GPM6B: variants seen among roughly 807,000 people sequenced by gnomAD.
The protein encoded by GPM6B is neuronal membrane glycoprotein M6-b.
Under a neutral mutation model 27.2 loss-of-function variants are expected in GPM6B, and 4 were observed. That is an observed-to-expected ratio of 0.15 (90% CI 0.07 to 0.34). The LOEUF (loss-of-function observed/expected upper bound fraction) is 0.34, where lower values mean the gene tolerates loss of function less well. GPM6B is among the 10% of genes least tolerant of loss of function. GPM6B has a pLI of 1.00. For missense variants in GPM6B, 183 were observed against 261.9 expected (o/e 0.70, Z 2.08); for synonymous variants, 124 against 103.1 (o/e 1.20, Z -1.23).
At chrX:13,881,115 G>A (rs1201925787) in intron 1 of GPM6B, among the ~76,000 whole-genome samples, 1 of 112,168 alleles carries the variant, frequency 8.9e-6, no homozygotes, top group Admixed American at 9.4e-5. Context: ...TCCCTAAAAT[G>A]TAAGATGTGA....
chrX:13,870,492 G>C lies in GPM6B; in HGVS notation c.-198+67835C>G, dbSNP rs1284391804. Among the ~76,000 whole-genome samples, 3 of 111,932 alleles carry C rather than the reference G, an allele frequency of 2.7e-5. No homozygotes were observed. The East Asian group carries it at 8.5e-4, about 32-fold the overall frequency. ...CGGGATAGACAGGCAGAGAGAAATAGGGCAGTGGCCCTACTTTGAAGGAGC... is the reference window on the plus strand; with the variant it reads ...CGGGATAGACAGGCAGAGAGAAATACGGCAGTGGCCCTACTTTGAAGGAGC... On this transcript the variant is annotated intron_variant, in intron 1 of 6. Transcript: ENST00000398361.
At chrX:13,841,245 C>G (rs1197067737) in intron 1 of GPM6B, among the ~76,000 whole-genome samples, 1 of 111,938 alleles carries the variant, frequency 8.9e-6, no homozygotes, top group East Asian at 2.8e-4. Flanking sequence ...TCCCACTCCC[C>G]AGCAGATGCC....
At chrX:13,841,985 G>T (rs1246315131) in intron 1 of GPM6B, among the ~76,000 whole-genome samples, 5 of 111,877 alleles carry the variant, frequency 4.5e-5, no homozygotes, top group Non-Finnish European at 9.4e-5. Flanking sequence ...ACAGCTTGTG[G>T]GAAACCTCAA....
rs755789036 is a variant in GPM6B, at chrX:13,884,285, T to C, written c.-198+54042A>G. Among the ~76,000 whole-genome samples, 7 of 113,147 alleles carry C rather than the reference T, an allele frequency of 6.2e-5. No individual in the cohort carries two copies. In the East Asian group the frequency reaches 1.1e-3, roughly 18 times the overall value. Reference sequence around the variant, plus strand: ...AAGTTACATATGTGGCTCACATTTCTATCAGACAGTGCTGGTCTAGAATAC... The same window carrying C: ...AAGTTACATATGTGGCTCACATTTCCATCAGACAGTGCTGGTCTAGAATAC... On this transcript the variant is annotated intron_variant, in intron 1 of 6. Transcript: ENST00000398361.
At chrX:13,933,198 C>T (rs35804867) in intron 1 of GPM6B, among the ~76,000 whole-genome samples, 2,045 of 111,673 alleles carry the variant, frequency 0.018, 18 homozygotes, top group Middle Eastern at 0.046. Context: ...GCCAATCATT[C>T]CAATGAACAT....
At chrX:13,913,453 T>G (rs944147210) in intron 1 of GPM6B, among the ~76,000 whole-genome samples, 4 of 111,008 alleles carry the variant, frequency 3.6e-5, no homozygotes, top group Non-Finnish European at 7.6e-5. Context: ...ATGCCCAGCC[T>G]CCATTCTTTT....
intron 5 of GPM6B, among the ~76,000 whole-genome samples, chrX:13,777,710 A>G (rs2048440322): frequency 1.8e-5 from 2 of 112,579 alleles, no homozygotes; most frequent in African/African-American, 6.5e-5. Context: ...TTGGAAGTTC[A>G]TATTTGTAAA....
intron 1 of GPM6B, among the ~76,000 whole-genome samples, chrX:13,930,438 C>T (rs1339816957): frequency 9.0e-6 from 1 of 110,900 alleles, no homozygotes; most frequent in Admixed American, 9.5e-5. Context: ...CACGGTGAAA[C>T]CCCGTCTCTA....
intron 1 of GPM6B, among the ~76,000 whole-genome samples, chrX:13,814,185 A>C (rs1458867189): frequency 8.9e-6 from 1 of 112,425 alleles, no homozygotes; most frequent in Non-Finnish European, 1.9e-5. Context: ...CAATTTATAA[A>C]GCTAAGTTTA....
upstream of GPM6B, chrX:13,938,523 G>A (rs776983518): frequency 3.3e-6 from 3 of 921,469 alleles, no homozygotes; most frequent in South Asian, 1.1e-4. Context: ...CTGGAGACTG[G>A]CGGGAGGGGT....
chrX:13,772,737 G>T lies in GPM6B; in HGVS notation c.*144C>A. 1 of 460,484 alleles carries T rather than the reference G, an allele frequency of 2.2e-6. No individual in the cohort carries two copies. Among genetic ancestry groups the T allele is most frequent in the Non-Finnish European group, 3.5e-6 (1 of 288,576 alleles). 37.9% of individuals were successfully genotyped at this position (460,484 alleles called of 1,213,427 possible). A position where few individuals can be genotyped will look rare whatever the true frequency, so the allele number is the denominator to read the frequency against. ...TTACCCACTGGAAGGTTTTCCTAGAGATACATCCCAGCAGCTTGAGACAGA... is the reference window on the plus strand; with the variant it reads ...TTACCCACTGGAAGGTTTTCCTAGATATACATCCCAGCAGCTTGAGACAGA... On this transcript the variant is annotated 3_prime_UTR_variant, in exon 8 of 8. Transcript: ENST00000316715.
chrX:13,899,041 C>A (rs919267938), intron 1 of GPM6B, among the ~76,000 whole-genome samples: 1 of 111,808 alleles, frequency 8.9e-6, no homozygotes, highest in African/African-American at 3.3e-5. Context: ...GCAAAAACAA[C>A]TTTACTCTTT....
chrX:13,781,632 C>A (rs2048517775), intron 4 of GPM6B, among the ~76,000 whole-genome samples: 1 of 111,659 alleles, frequency 9.0e-6, no homozygotes, highest in Non-Finnish European at 1.9e-5. Flanking sequence ...TAATCAGAGA[C>A]CCAAAAGAAT....
chrX:13,791,373 C>A (rs1458626678), intron 2 of GPM6B, among the ~76,000 whole-genome samples: 1 of 110,871 alleles, frequency 9.0e-6, no homozygotes, highest in Non-Finnish European at 1.9e-5. Context: ...CCACATCCAG[C>A]TAATTTTTTG....
At chrX:13,814,418 T>C (rs1387414306) in intron 1 of GPM6B, among the ~76,000 whole-genome samples, 1 of 112,073 alleles carries the variant, frequency 8.9e-6, no homozygotes, top group Non-Finnish European at 1.9e-5. Context: ...CAGGATTAAA[T>C]TTAATGAATA....
At position 13,784,020 on chromosome X, in the gene GPM6B, C is replaced by G. The variant is rs1341165749; in HGVS notation, c.369-499G>C. ...ACTCAGGGCTTCTTTAGGGGGTAATCTGGGGAGATGTCTTTTGCACTGTGA... is the reference window on the plus strand; with the variant it reads ...ACTCAGGGCTTCTTTAGGGGGTAATGTGGGGAGATGTCTTTTGCACTGTGA... On this transcript the variant is annotated intron_variant, in intron 3 of 7. Transcript: ENST00000316715. The G allele has an allele frequency of 1.7e-5, 4 of 241,488 alleles. No homozygotes were observed. In the East Asian group the frequency reaches 4.8e-4, roughly 29 times the overall value. The allele number at this position is 241,488 out of a possible 1,213,427, so 19.9% of individuals were successfully genotyped here.
At position 13,773,953 on chromosome X, in the gene GPM6B, CTTTTTTTTTTTT is replaced by C. The variant is rs772367299; in HGVS notation, c.838-935_838-924del. On this transcript the variant is annotated intron_variant, in intron 7 of 7. Transcript: ENST00000316715. ...AAAAAAAACTACCCACATATAAATC[CTTTTTTTTTTTT>C]TTTTTTTTTTTTTTCCAGAGAACTG... is the stretch of plus-strand genomic sequence containing the variant. 1.2e-3 allele frequency: 506 copies of C among 436,284 alleles called. 5 individuals are homozygous for C. In the Admixed American group the frequency reaches 0.056, roughly 48 times the overall value. The allele number at this position is 436,284 out of a possible 1,213,427, so 36.0% of individuals were successfully genotyped here.
At chrX:13,890,097 G>A (rs1000336530) in intron 1 of GPM6B, among the ~76,000 whole-genome samples, 1 of 111,388 alleles carries the variant, frequency 9.0e-6, no homozygotes, top group African/African-American at 3.3e-5. Flanking sequence ...TCTATGTCAC[G>A]GGATGAGATA....
intron 2 of GPM6B, among the ~76,000 whole-genome samples, chrX:13,789,871 G>T (rs2048681655): frequency 9.0e-6 from 1 of 111,303 alleles, no homozygotes; most frequent in African/African-American, 3.3e-5. Context: ...TTTGAAACAG[G>T]GTCTTGCTCT....
Sources: allele counts gnomAD v4.1 joint callset (sites outside exome capture counted in the v4.1 genomes callset), GRCh38; gene constraint gnomAD v4.1.1; transcripts MANE v1.5; gene names NCBI Gene and HGNC (gene_info 2026-07-23, HGNC 2026-07-21).